Variants in PPP2R2D observed in about 807,000 individuals in gnomAD.
PPP2R2D encodes the protein protein phosphatase 2 regulatory subunit Bdelta.
In PPP2R2D, 9 loss-of-function variants were observed where a neutral mutation model predicts 31.1. That is an observed-to-expected ratio of 0.29 (90% CI 0.17 to 0.51). The LOEUF (loss-of-function observed/expected upper bound fraction) is 0.51, where lower values mean the gene tolerates loss of function less well. PPP2R2D is among the 20% of genes least tolerant of loss of function. The pLI, the probability that PPP2R2D is intolerant of heterozygous loss-of-function variation, is 0.98. For synonymous variants in PPP2R2D, 179 were observed against 172.6 expected (o/e 1.04, Z -0.29); for missense variants, 391 against 465.6 (o/e 0.84, Z 1.48).
intron 5 of PPP2R2D, among the ~76,000 whole-genome samples, chr10:131,942,554 G>A (rs1554897369): frequency 6.6e-6 from 1 of 152,126 alleles, no homozygotes; most frequent in Non-Finnish European, 1.5e-5. Context: ...TTTAGTGCCA[G>A]AAAAGGGATA....
In PPP2R2D at chr10:131,926,456, C is replaced by T. The variant is rs543873755; in HGVS notation, c.101-8002C>T. On this transcript the variant is annotated intron_variant, in intron 2 of 8. Transcript: ENST00000455566. ...CTCTGGGAGGCTGAGGCAGGAGGAT[C>T]GCTTGAGCCCAGGAGTTCGTGACCA... 6.6e-5 allele frequency among the ~76,000 whole-genome samples: 10 copies of T among 152,202 alleles called. No individual in the cohort carries two copies. In the East Asian group the frequency reaches 7.7e-4, roughly 12 times the overall value.
downstream of PPP2R2D, among the ~76,000 whole-genome samples, chr10:131,963,932 G>T (rs1237766360): frequency 6.6e-6 from 1 of 152,132 alleles, no homozygotes; most frequent in Non-Finnish European, 1.5e-5. Flanking sequence ...ACGAGTGTCG[G>T]TTTTTCCTGT....
intron 5 of PPP2R2D, chr10:131,940,951 C>T (rs1213896452): frequency 5.8e-6 from 2 of 346,000 alleles, no homozygotes; most frequent in Non-Finnish European, 1.0e-5. Flanking sequence ...TTTAATTCTA[C>T]AGCAGAAATC....
chr10:131,926,292 T>G (rs556627286), intron 2 of PPP2R2D, among the ~76,000 whole-genome samples: 1 of 152,318 alleles, frequency 6.6e-6, no homozygotes, highest in African/African-American at 2.4e-5. Flanking sequence ...TTGAACAGAA[T>G]GGACTTTTTG....
At chr10:131,923,083 G>A (rs2036025786) in intron 2 of PPP2R2D, among the ~76,000 whole-genome samples, 1 of 152,174 alleles carries the variant, frequency 6.6e-6, no homozygotes, top group South Asian at 2.1e-4. Context: ...GTGGCCATCT[G>A]AATTGGATAA....
intron 2 of PPP2R2D, among the ~76,000 whole-genome samples, chr10:131,907,919 C>G (rs2035623401): frequency 6.6e-6 from 1 of 152,176 alleles, no homozygotes; most frequent in African/African-American, 2.4e-5. Context: ...GTCTGCTGTT[C>G]TGATGGGAAG....
chr10:131,963,284 G>A (rs1291446377), downstream of PPP2R2D, among the ~76,000 whole-genome samples: 2 of 152,248 alleles, frequency 1.3e-5, no homozygotes, highest in South Asian at 2.1e-4. Context: ...TCTGAACACA[G>A]TGTAACCCTG....
At position 131,955,895 on chromosome 10, in the gene PPP2R2D, C is replaced by G; in HGVS notation, c.1294C>G (p.Pro432Ala). The change falls in exon 9 of 9, where the codon CCC (proline) becomes GCC (alanine). Residue 432 changes from proline to alanine, a missense_variant. By Grantham distance (27) the Pro-to-Ala change is conservative. Coordinates refer to ENST00000455566, the MANE Select transcript of PPP2R2D (RefSeq NM_018461.5). Reference protein sequence around the residue: ...NKKILHTAWHPVDNVIAVAAT... With the variant: ...NKKILHTAWHAVDNVIAVAAT... ...GAAGATCCTGCACACAGCCTGGCAC[C>G]CCGTGGACAATGTCATTGCCGTGGC... 1 of 1,598,142 alleles carries G rather than the reference C, an allele frequency of 6.3e-7. No individual in the cohort carries two copies. The highest frequency in any genetic ancestry group is 1.1e-5 in the South Asian group (1 of 88,398).
chr10:131,942,817 A>T (rs1554897383), intron 5 of PPP2R2D, among the ~76,000 whole-genome samples: 1 of 152,222 alleles, frequency 6.6e-6, no homozygotes, highest in East Asian at 1.9e-4. Context: ...TTGTTAGAGG[A>T]TTGGGGTAGG....
the PPP2R2D span, chr10:131,968,523 A>G: frequency 6.9e-6 from 11 of 1,595,420 alleles, no homozygotes; most frequent in Non-Finnish European, 8.6e-6. Context: ...CCAGTTCTTC[A>G]TCAAAAGGTG....
intron 2 of PPP2R2D, among the ~76,000 whole-genome samples, chr10:131,904,428 T>C (rs1175581298): frequency 2.0e-5 from 3 of 151,162 alleles, no homozygotes; most frequent in Non-Finnish European, 4.4e-5. Context: ...GAGAATGGCA[T>C]GAACCCGGGA....
chr10:131,916,330 A>ATT (rs34461938), intron 2 of PPP2R2D, among the ~76,000 whole-genome samples: 13,880 of 143,448 alleles, frequency 0.097, 780 homozygotes, highest in Non-Finnish European at 0.13. Context: ...ATAGATTGGG[A>ATT]TTTTTTTTTT....
intron 2 of PPP2R2D, among the ~76,000 whole-genome samples, chr10:131,931,453 T>A (rs1372616882): frequency 3.9e-5 from 6 of 152,246 alleles, no homozygotes; most frequent in African/African-American, 1.4e-4. Flanking sequence ...GTTCAAGCGA[T>A]TCTCCTGCCT....
At chr10:131,920,955 C>T (rs2035975099) in intron 2 of PPP2R2D, among the ~76,000 whole-genome samples, 1 of 152,142 alleles carries the variant, frequency 6.6e-6, no homozygotes, top group African/African-American at 2.4e-5. Context: ...ACAGGAATCT[C>T]AGGGTTGTGT....
At chr10:131,936,582 G>A (rs991432114) in intron 3 of PPP2R2D, among the ~76,000 whole-genome samples, 1 of 152,220 alleles carries the variant, frequency 6.6e-6, no homozygotes, top group African/African-American at 2.4e-5. Flanking sequence ...CAGATTTTAG[G>A]TTAGAAAATG....
intron 2 of PPP2R2D, 29 bp downstream of exon 2, chr10:131,901,359 G>T (rs2035490982): frequency 5.7e-6 from 2 of 353,528 alleles, no homozygotes; most frequent in Non-Finnish European, 1.0e-5. Flanking sequence ...CCCGCCCCGG[G>T]ACCCTCGCGG....
chr10:131,936,280 C>A (rs1554896469), intron 3 of PPP2R2D, among the ~76,000 whole-genome samples: 1 of 151,808 alleles, frequency 6.6e-6, no homozygotes, highest in Admixed American at 6.6e-5. Flanking sequence ...TCCCAAGTCG[C>A]TGGGATTACA....
In PPP2R2D at chr10:131,956,448, A is replaced by C. The variant is rs2036801547; in HGVS notation, c.*485A>C. On this transcript the variant is annotated 3_prime_UTR_variant, in exon 9 of 9. Transcript: ENST00000455566. Reference sequence around the variant, plus strand: ...TCTGTGGATGTGTGGATGTGGCCCGAGCAGGCTCAGGCGGCCCCACTCACC... The same window carrying C: ...TCTGTGGATGTGTGGATGTGGCCCGCGCAGGCTCAGGCGGCCCCACTCACC... The C allele has an allele frequency of 1.0e-6, 1 of 985,424 alleles. No homozygotes were observed. The highest frequency in any genetic ancestry group is 1.7e-5 in the African/African-American group (1 of 57,198). 61.0% of individuals were successfully genotyped at this position (985,424 alleles called of 1,614,324 possible).
At chr10:131,960,505 C>G (rs1207374386), downstream of PPP2R2D, among the ~76,000 whole-genome samples, 1 of 152,234 alleles carries the variant, frequency 6.6e-6, no homozygotes, top group Non-Finnish European at 1.5e-5. Context: ...GGCCACACGA[C>G]TGGCAGGTGT....
Sources: allele counts gnomAD v4.1 joint callset (sites outside exome capture counted in the v4.1 genomes callset), GRCh38; gene constraint gnomAD v4.1.1; transcripts MANE v1.5; gene names NCBI Gene and HGNC (gene_info 2026-07-23, HGNC 2026-07-21).